Variants in CAP2 observed in about 807,000 individuals in gnomAD.
CAP2 encodes the protein cyclase associated actin cytoskeleton regulatory protein 2, also known as adenylyl cyclase-associated protein 2.
In CAP2, 24 loss-of-function variants were observed where a neutral mutation model predicts 57.7. The observed-to-expected ratio is 0.42, with a 90% CI of 0.30 to 0.58. The LOEUF (loss-of-function observed/expected upper bound fraction) is 0.58, where lower values mean the gene tolerates loss of function less well. Among genes scored for constraint, CAP2 ranks in the 20% least tolerant of loss-of-function variants. CAP2 has a pLI of 0.22. For missense variants in CAP2, 501 were observed against 590.3 expected (o/e 0.85, Z 1.57); for synonymous variants, 194 against 207.2 (o/e 0.94, Z 0.55).
chr6:17,438,646 A>G lies in CAP2; in HGVS notation c.222+11956A>G, dbSNP rs372587138. On this transcript the variant is annotated intron_variant, in intron 3 of 12. Coordinates refer to ENST00000229922, the MANE Select transcript of CAP2 (RefSeq NM_006366.3). ...AGTAGAGACGGGGTTTCACAGTGTT[A>G]GCCAGGATGGTCTCAATCTCCTGAC... Among the ~76,000 whole-genome samples the G allele has an allele frequency of 8.0e-3, 1,176 of 146,804 alleles. 16 individuals carry two copies. The highest frequency in any genetic ancestry group is 9.5e-3 in the Non-Finnish European group (635 of 67,062).
Position 17,441,490 on chromosome 6 carries a change from G to A in CAP2, c.222+14800G>A, listed in dbSNP as rs920216957. Among the ~76,000 whole-genome samples, 14 of 151,614 alleles carry A rather than the reference G, an allele frequency of 9.2e-5. 1 individual carries two copies. The East Asian group carries it at 1.4e-3, about 15-fold the overall frequency. ...CTGTCCAAATGAAAACAAAATTGTC[G>A]TTTTTACTTTGAGACAGGGTCTCAC... On this transcript the variant is annotated intron_variant, in intron 3 of 12. Transcript: ENST00000229922.
intron 3 of CAP2, among the ~76,000 whole-genome samples, chr6:17,454,988 G>T (rs1475371715): frequency 2.6e-5 from 4 of 152,104 alleles, no homozygotes; most frequent in Non-Finnish European, 5.9e-5. Context: ...GCATGGTTTT[G>T]TTACAGTAGG....
At chr6:17,543,388 T>C (rs1026699017) in intron 11 of CAP2, among the ~76,000 whole-genome samples, 7 of 151,316 alleles carry the variant, frequency 4.6e-5, no homozygotes, top group African/African-American at 7.3e-5. Context: ...GAGGCCGAGG[T>C]GGGCGGATCA....
intron 1 of CAP2, among the ~76,000 whole-genome samples, chr6:17,406,398 C>CTTTTTTTTT (rs777803474): frequency 5.9e-5 from 6 of 102,476 alleles, no homozygotes; most frequent in African/African-American, 1.8e-4. Context: ...GCCCAGATTT[C>CTTTTTTTTT]TTTTTTTTTT....
At chr6:17,407,778 C>CA (rs60480016) in intron 1 of CAP2, among the ~76,000 whole-genome samples, 328 of 68,862 alleles carry the variant, frequency 4.8e-3, no homozygotes, top group Middle Eastern at 8.6e-3. Context: ...GACTCGGTCT[C>CA]AAAAAAAAAA....
At chr6:17,476,709 G>C (rs1761156716) in intron 4 of CAP2, among the ~76,000 whole-genome samples, 1 of 152,112 alleles carries the variant, frequency 6.6e-6, no homozygotes, top group South Asian at 2.1e-4. Flanking sequence ...ACAACGGGAA[G>C]TATGTGAGGA....
chr6:17,393,840 C>G (rs1018024098), intron 1 of CAP2, 94 bp downstream of exon 1: 2 of 150,474 alleles, frequency 1.3e-5, no homozygotes, highest in Admixed American at 1.3e-4. Context: ...AAGTTGAGCC[C>G]GATGGGTGGG....
intron 3 of CAP2, among the ~76,000 whole-genome samples, chr6:17,447,672 T>C (rs920286432): frequency 6.6e-6 from 1 of 152,236 alleles, no homozygotes; most frequent in Non-Finnish European, 1.5e-5. Context: ...CTAACTTTTG[T>C]ATTTTTGAAG....
At chr6:17,526,665 CAG>C (rs1762518134) in intron 7 of CAP2, among the ~76,000 whole-genome samples, 1 of 151,970 alleles carries the variant, frequency 6.6e-6, no homozygotes, top group Non-Finnish European at 1.5e-5. Flanking sequence ...CTTCATAAAA[CAG>C]AACACACAGG....
In CAP2 at chr6:17,539,362, C is replaced by A. The variant is rs200493371; in HGVS notation, c.730C>A (p.Pro244Thr). ...TCCTCCTCTGCCTCCTCCAGGGCCA[C>A]CTCCACTTTTCGAGAATGAAGGCAA... ...PPPPLPPPGP[P>T]PLFENEGKKE... Residue 244 changes from proline to threonine, a missense_variant, in exon 8 of 13, where the codon CCT becomes ACT. Transcript: ENST00000229922. 44 of 1,614,086 alleles carry A rather than the reference C, an allele frequency of 2.7e-5. No homozygotes were observed. Among genetic ancestry groups the A allele is most frequent in the Non-Finnish European group, 3.6e-5 (42 of 1,180,024 alleles).
At chr6:17,415,278 T>G (rs1487724351) in intron 1 of CAP2, among the ~76,000 whole-genome samples, 1 of 152,234 alleles carries the variant, frequency 6.6e-6, no homozygotes. Flanking sequence ...TTACTTGTTT[T>G]GTGAACTTGT....
At chr6:17,452,040 C>T (rs1395738515) in intron 3 of CAP2, among the ~76,000 whole-genome samples, 1 of 152,196 alleles carries the variant, frequency 6.6e-6, no homozygotes, top group Non-Finnish European at 1.5e-5. Context: ...GTCTAAAAAA[C>T]CCAATCATTG....
At chr6:17,534,925 C>A (rs369843063) in intron 7 of CAP2, among the ~76,000 whole-genome samples, 2 of 152,114 alleles carry the variant, frequency 1.3e-5, no homozygotes, top group Non-Finnish European at 2.9e-5. Flanking sequence ...ACATGTACCC[C>A]CCTACTGCAA....
chr6:17,397,666 G>C (rs1758703623), intron 1 of CAP2, among the ~76,000 whole-genome samples: 1 of 131,160 alleles, frequency 7.6e-6, no homozygotes, highest in African/African-American at 3.0e-5. Context: ...CTGCACTCCA[G>C]CCTGGGCGAC....
chr6:17,436,080 T>TC (rs1178163086), intron 3 of CAP2, among the ~76,000 whole-genome samples: 1,285 of 126,206 alleles, frequency 0.01, 12 homozygotes, highest in African/African-American at 0.036. Context: ...TTTCTTTCTT[T>TC]CTTTCTTTCC....
intron 11 of CAP2, among the ~76,000 whole-genome samples, chr6:17,547,673 C>G (rs1763078981): frequency 6.6e-6 from 1 of 151,904 alleles, no homozygotes; most frequent in Non-Finnish European, 1.5e-5. Flanking sequence ...AACCCTGTCT[C>G]TACTAAAAAT....
intron 3 of CAP2, among the ~76,000 whole-genome samples, chr6:17,441,340 A>G (rs929593499): frequency 6.6e-6 from 1 of 151,636 alleles, no homozygotes; most frequent in Non-Finnish European, 1.5e-5. Flanking sequence ...GCTGCCTTTG[A>G]AAAATCCTTA....
At chr6:17,485,370 A>G (rs1761395717) in intron 4 of CAP2, among the ~76,000 whole-genome samples, 2 of 152,230 alleles carry the variant, frequency 1.3e-5, no homozygotes. Context: ...AAGAACCTGC[A>G]GTGATCAACT....
At chr6:17,545,177 T>C (rs1012485401) in intron 11 of CAP2, among the ~76,000 whole-genome samples, 2 of 152,228 alleles carry the variant, frequency 1.3e-5, no homozygotes, top group Non-Finnish European at 2.9e-5. Context: ...GCAATCATAG[T>C]GTGTCACAGT....
Sources: allele counts gnomAD v4.1 joint callset (sites outside exome capture counted in the v4.1 genomes callset), GRCh38; gene constraint gnomAD v4.1.1; transcripts MANE v1.5; gene names NCBI Gene and HGNC (gene_info 2026-07-23, HGNC 2026-07-21).